PIWIL2: variants seen among roughly 807,000 people sequenced by gnomAD.
PIWIL2 encodes the protein piwi-like protein 2.
PIWIL2 carries 81 observed loss-of-function variants against 116.5 expected under a neutral mutation model. The ratio of observed to expected loss-of-function variants is 0.70; its 90% confidence interval spans 0.58 to 0.84. The LOEUF is 0.84. Among genes scored for constraint, PIWIL2 ranks in the 40% least tolerant of loss-of-function variants. The probability of loss-of-function intolerance (pLI) is 0.00; values close to 1 mark genes in which losing one functional copy is unlikely to be tolerated. For synonymous variants in PIWIL2, 489 were observed against 429.5 expected, an observed-to-expected ratio of 1.14 and a Z score of -1.71; for missense variants, 1,272 against 1,212.3, an observed-to-expected ratio of 1.05 and a Z score of -0.73.
At chr8:22,349,514 CT>C (rs1290717100) in intron 20 of PIWIL2, among the ~76,000 whole-genome samples, 1 of 150,910 alleles carries the variant, frequency 6.6e-6, no homozygotes, top group Non-Finnish European at 1.5e-5. Context: ...CACTTTTCAA[CT>C]GAAGAAATTG....
chr8:22,299,523 T>C (rs977550453), intron 10 of PIWIL2, among the ~76,000 whole-genome samples: 1 of 151,938 alleles, frequency 6.6e-6, no homozygotes, highest in African/African-American at 2.4e-5. Flanking sequence ...TCTTTTTTCT[T>C]ACAAATTTGA....
At chr8:22,276,425 C>G (rs1263481627) in intron 1 of PIWIL2, among the ~76,000 whole-genome samples, 1 of 152,144 alleles carries the variant, frequency 6.6e-6, no homozygotes, top group Non-Finnish European at 1.5e-5. Context: ...AAGCGATTCT[C>G]CTGCCTCTGC....
chr8:22,286,351 A>C (rs1330880883), intron 6 of PIWIL2, among the ~76,000 whole-genome samples: 1 of 152,264 alleles, frequency 6.6e-6, no homozygotes, highest in African/African-American at 2.4e-5. Flanking sequence ...AGAAGGCAAC[A>C]GGATTGCTGT....
At chr8:22,297,657 T>G (rs1282858599) in intron 10 of PIWIL2, among the ~76,000 whole-genome samples, 1 of 152,030 alleles carries the variant, frequency 6.6e-6, no homozygotes, top group Non-Finnish European at 1.5e-5. Flanking sequence ...GGAGAGAGAT[T>G]GGGCTCAACT....
At chr8:22,281,999 C>T (rs984410906) in intron 4 of PIWIL2, among the ~76,000 whole-genome samples, 3 of 151,180 alleles carry the variant, frequency 2.0e-5, no homozygotes, top group South Asian at 2.1e-4. Context: ...TCTTGAGCTC[C>T]TGACCTCAGG....
chr8:22,294,500 G>A (rs1247997756), intron 10 of PIWIL2, among the ~76,000 whole-genome samples: 1 of 151,132 alleles, frequency 6.6e-6, no homozygotes, highest in East Asian at 2.0e-4. Context: ...AATTAGCCGG[G>A]CGTGATGGCG....
chr8:22,284,020 G>A (rs1830575077), intron 5 of PIWIL2, 142 bp from the exon 6 acceptor site: 2 of 518,988 alleles, frequency 3.9e-6, no homozygotes, highest in East Asian at 6.6e-5. Context: ...TGTAAGTGTT[G>A]CCTCTTGATA....
chr8:22,281,825 G>A (rs1830510932), intron 4 of PIWIL2, among the ~76,000 whole-genome samples: 1 of 145,044 alleles, frequency 6.9e-6, no homozygotes, highest in Admixed American at 7.1e-5. Flanking sequence ...AAGCTGGAGT[G>A]CAATGCCTCA....
intron 20 of PIWIL2, among the ~76,000 whole-genome samples, chr8:22,331,137 A>G (rs555014284): frequency 1.1e-4 from 16 of 151,796 alleles, no homozygotes; most frequent in Admixed American, 3.3e-4. Flanking sequence ...GATTGTGCCA[A>G]TGCAGTCCAG....
chr8:22,351,141 ACT>A (rs1254788019), intron 20 of PIWIL2, among the ~76,000 whole-genome samples: 3 of 151,328 alleles, frequency 2.0e-5, no homozygotes, highest in East Asian at 2.0e-4. Flanking sequence ...ACAGAGCGAG[ACT>A]CTGTTTCAAA....
At chr8:22,352,870 C>A in intron 20 of PIWIL2, 89 bp from the exon 21 acceptor site, 1 of 1,316,632 alleles carries the variant, frequency 7.6e-7, no homozygotes, top group Non-Finnish European at 1.1e-6. Flanking sequence ...GCCATGATTC[C>A]AGGCTACACA....
chr8:22,328,814 AGTC>A (rs1056407450), intron 20 of PIWIL2, among the ~76,000 whole-genome samples: 8 of 92,402 alleles, frequency 8.7e-5, no homozygotes, highest in African/African-American at 2.4e-4. Context: ...TATGAGCTCT[AGTC>A]GTTTTTTTTT....
chr8:22,348,914 A>G (rs1832288900), intron 20 of PIWIL2, among the ~76,000 whole-genome samples: 1 of 152,116 alleles, frequency 6.6e-6, no homozygotes, highest in Admixed American at 6.5e-5. Flanking sequence ...CAGCTCCTTG[A>G]TTCCTTTCGG....
chr8:22,293,415 C>G (rs546645526), intron 10 of PIWIL2, among the ~76,000 whole-genome samples: 5 of 152,282 alleles, frequency 3.3e-5, no homozygotes, highest in African/African-American at 1.2e-4. Flanking sequence ...TGTTGGTTCA[C>G]TGCAACCTCC....
At chr8:22,288,757 C>A in intron 8 of PIWIL2, 91 bp downstream of exon 8, 1 of 1,174,302 alleles carries the variant, frequency 8.5e-7, no homozygotes, top group East Asian at 2.4e-5. Context: ...AAATACGTGA[C>A]AGTATATTCT....
At chr8:22,326,905 G>C (rs1301134753) in intron 20 of PIWIL2, among the ~76,000 whole-genome samples, 1 of 151,998 alleles carries the variant, frequency 6.6e-6, no homozygotes, top group Non-Finnish European at 1.5e-5. Flanking sequence ...TTAACGTTTA[G>C]AGGAACCACC....
chr8:22,281,574 T>TA, intron 4 of PIWIL2, 59 bp downstream of exon 4: 3 of 1,354,880 alleles, frequency 2.2e-6, no homozygotes, highest in Non-Finnish European at 2.0e-6. Flanking sequence ...CTCTGTAAGT[T>TA]CAGAGAGCAA....
chr8:22,286,283 A>C (rs1479400138), intron 6 of PIWIL2, among the ~76,000 whole-genome samples: 1 of 152,272 alleles, frequency 6.6e-6, no homozygotes, highest in African/African-American at 2.4e-5. Context: ...AGAAGTAGCC[A>C]CTGACTTGGC....
At chr8:22,296,344 C>G (rs1408558659) in intron 10 of PIWIL2, among the ~76,000 whole-genome samples, 1 of 151,938 alleles carries the variant, frequency 6.6e-6, no homozygotes, top group Non-Finnish European at 1.5e-5. Context: ...CGCGCCTGGC[C>G]CCCTCTTCCC....
Sources: allele counts gnomAD v4.1 joint callset (sites outside exome capture counted in the v4.1 genomes callset), GRCh38; gene constraint gnomAD v4.1.1; transcripts MANE v1.5; gene names NCBI Gene and HGNC (gene_info 2026-07-23, HGNC 2026-07-21).